PDE1A: variants seen among roughly 807,000 people sequenced by gnomAD.
The protein encoded by PDE1A is phosphodiesterase 1A.
Under a neutral mutation model 61.7 loss-of-function variants are expected in PDE1A, and 35 were observed. The observed-to-expected ratio is 0.57, with a 90% CI of 0.43 to 0.75. The LOEUF is 0.75. Among genes scored for constraint, PDE1A ranks in the 30% least tolerant of loss-of-function variants. PDE1A has a pLI of 0.00. For missense variants in PDE1A, 597 were observed against 630.6 expected, an observed-to-expected ratio of 0.95 and a Z score of 0.57; for synonymous variants, 232 against 213.2, an observed-to-expected ratio of 1.09 and a Z score of -0.77.
intron 1 of PDE1A, among the ~76,000 whole-genome samples, chr2:182,267,429 GCACACACACACACA>G (rs67567300): frequency 4.8e-5 from 7 of 146,852 alleles, no homozygotes; most frequent in African/African-American, 1.5e-4. Context: ...ATGCACACAT[GCACACACACACACA>G]CACACACACA....
At chr2:182,425,794 C>T (rs1209806672) in intron 1 of PDE1A, among the ~76,000 whole-genome samples, 3 of 151,988 alleles carry the variant, frequency 2.0e-5, no homozygotes, top group African/African-American at 7.2e-5. Flanking sequence ...TGTGGAAAGA[C>T]AAAACTGATA....
At chr2:182,602,992 C>CATACATACATACAT in the PDE1A span, among the ~76,000 whole-genome samples, 5 of 130,390 alleles carry the variant, frequency 3.8e-5, no homozygotes, top group African/African-American at 8.6e-5. Context: ...CACACACACA[C>CATACATACATACAT]ACATACATAC....
In PDE1A at chr2:182,247,911, TTATTC is replaced by T. The variant is rs367704391; in HGVS notation, c.168-7624_168-7620del. ...AAACATCTAATAGCTTCATTGCTCT[TTATTC>T]TAATGTTAAAGGGCAGAGTGTGCAT... is the stretch of plus-strand genomic sequence containing the variant. On this transcript the variant is annotated intron_variant, in intron 2 of 13. Coordinates refer to ENST00000351439, the Ensembl canonical transcript of PDE1A. Among the ~76,000 whole-genome samples, 202 of 152,352 alleles carry T rather than the reference TTATTC, an allele frequency of 1.3e-3. 2 individuals carry two copies. The highest frequency in any genetic ancestry group is 4.7e-3 in the African/African-American group (197 of 41,578).
the PDE1A span, among the ~76,000 whole-genome samples, chr2:182,620,747 A>T: frequency 6.6e-6 from 1 of 152,104 alleles, no homozygotes; most frequent in Non-Finnish European, 1.5e-5. Flanking sequence ...TCTTTCCTCA[A>T]ATTCAGTTTC....
chr2:182,626,738 C>CACAT, the PDE1A span, among the ~76,000 whole-genome samples: 1 of 13,954 alleles, frequency 7.2e-5, no homozygotes, highest in South Asian at 2.8e-3. Context: ...TATATATATA[C>CACAT]ATATATATAC....
chr2:182,360,462 G>A (rs1305681893), intron 1 of PDE1A, among the ~76,000 whole-genome samples: 3 of 151,140 alleles, frequency 2.0e-5, no homozygotes, highest in African/African-American at 4.9e-5. Context: ...TGAATTGCAA[G>A]ACCAAACATA....
the PDE1A span, among the ~76,000 whole-genome samples, chr2:182,591,113 C>A: frequency 6.6e-6 from 1 of 152,268 alleles, no homozygotes; most frequent in East Asian, 1.9e-4. Context: ...TGGACCTATT[C>A]TTTTTAGAAC....
the PDE1A span, among the ~76,000 whole-genome samples, chr2:182,529,243 C>A: frequency 6.6e-6 from 1 of 152,318 alleles, no homozygotes; most frequent in South Asian, 2.1e-4. Context: ...GGGAACCTAC[C>A]TTTTGCATCA....
intron 1 of PDE1A, among the ~76,000 whole-genome samples, chr2:182,304,343 T>C (rs138416757): frequency 5.4e-4 from 83 of 152,370 alleles, no homozygotes; most frequent in African/African-American, 1.7e-3. Context: ...TGGTTTGATC[T>C]TCTATCCAGA....
intron 2 of PDE1A, among the ~76,000 whole-genome samples, chr2:182,516,694 G>GGAAGGA (rs1690175122): frequency 2.0e-5 from 1 of 50,984 alleles, no homozygotes; most frequent in South Asian, 8.8e-4. Context: ...GGAGGGAAGG[G>GGAAGGA]AGGAAGGGAG....
chr2:182,522,404 C>T (rs1047499785), intron 1 of PDE1A: 30 of 1,612,304 alleles, frequency 1.9e-5, no homozygotes, highest in Non-Finnish European at 2.5e-5. Context: ...AATACAGTTA[C>T]AGTCAGTTTC....
chr2:182,617,440 C>T, the PDE1A span, among the ~76,000 whole-genome samples: 37 of 152,224 alleles, frequency 2.4e-4, no homozygotes, highest in Admixed American at 2.4e-3. Flanking sequence ...CTTCCTTTGG[C>T]TGATTTGAAT....
At chr2:182,617,020 CCAAA>C in the PDE1A span, among the ~76,000 whole-genome samples, 3 of 152,156 alleles carry the variant, frequency 2.0e-5, no homozygotes, top group Non-Finnish European at 2.9e-5. Context: ...TTAATCTTGC[CCAAA>C]CAGAGGTTTG....
intron 2 of PDE1A, among the ~76,000 whole-genome samples, chr2:182,247,521 C>T (rs750582950): frequency 5.9e-5 from 9 of 152,148 alleles, no homozygotes; most frequent in Non-Finnish European, 1.2e-4. Flanking sequence ...TACTCCCCTC[C>T]ATTTACCTCT....
the PDE1A span, among the ~76,000 whole-genome samples, chr2:182,715,476 T>C: frequency 1.6e-4 from 24 of 152,308 alleles, no homozygotes; most frequent in East Asian, 4.2e-3. Flanking sequence ...CCGAAACTGT[T>C]ACCAATCACA....
chr2:182,273,430 A>C, intron 1 of PDE1A, among the ~76,000 whole-genome samples: 1 of 151,752 alleles, frequency 6.6e-6, no homozygotes. Context: ...TTTTAGGCAT[A>C]TGGCTAAGCC....
At chr2:182,262,392 A>G (rs1362586731) in intron 2 of PDE1A, among the ~76,000 whole-genome samples, 15 of 151,904 alleles carry the variant, frequency 9.9e-5, no homozygotes, top group Non-Finnish European at 4.4e-5. Flanking sequence ...CAGCCTCCCA[A>G]ATAGCTGGGA....
intron 1 of PDE1A, among the ~76,000 whole-genome samples, chr2:182,413,760 G>A (rs776419389): frequency 3.9e-5 from 6 of 152,066 alleles, no homozygotes; most frequent in African/African-American, 7.2e-5. Context: ...TAACATAAAC[G>A]TTATAAAGTT....
the PDE1A span, among the ~76,000 whole-genome samples, chr2:182,577,485 C>A: frequency 1.3e-5 from 2 of 152,158 alleles, no homozygotes; most frequent in East Asian, 3.8e-4. Context: ...GACATGTGAA[C>A]TGCTTAGAAA....
Sources: gnomAD v4.1 joint callset for allele counts (sites outside exome capture counted in the v4.1 genomes callset) on GRCh38, gnomAD v4.1.1 for gene constraint, MANE v1.5 for transcripts, NCBI Gene and HGNC (gene_info 2026-07-23, HGNC 2026-07-21) for gene names.